The following CYP2C19 variants were observed in gnomAD, a reference collection of about 807,000 sequenced individuals.
CYP2C19 encodes the protein cytochrome P450 2C19.
In CYP2C19, 59 loss-of-function variants were observed where a neutral mutation model predicts 40.9. The observed-to-expected ratio is 1.44, with a 90% confidence interval of 1.17 to 1.79. The LOEUF is 1.79. Among genes scored for constraint, CYP2C19 ranks in the 40% most tolerant of loss-of-function variants. The probability of loss-of-function intolerance (pLI) is 0.00; values close to 1 mark genes in which losing one functional copy is unlikely to be tolerated. For synonymous variants in CYP2C19, 253 were observed against 208.7 expected (o/e 1.21, Z -1.83); for missense variants, 754 against 596.9 (o/e 1.26, Z -2.74).
At chr10:94,840,435 T>C (rs576001011) in intron 6 of CYP2C19, among the ~76,000 whole-genome samples, 4 of 152,048 alleles carry the variant, frequency 2.6e-5, no homozygotes, top group Admixed American at 6.6e-5. Flanking sequence ...CCCTGGGTTA[T>C]AGCCTAGGTG....
At chr10:94,826,388 G>A (rs1215729909) in intron 6 of CYP2C19, among the ~76,000 whole-genome samples, 3 of 152,076 alleles carry the variant, frequency 2.0e-5, no homozygotes, top group Admixed American at 2.0e-4. Flanking sequence ...CTTGTAAGTT[G>A]GATTCCTAGG....
intron 6 of CYP2C19, among the ~76,000 whole-genome samples, chr10:94,834,151 A>G (rs1654324680): frequency 6.6e-6 from 1 of 152,102 alleles, no homozygotes; most frequent in Non-Finnish European, 1.5e-5. Flanking sequence ...TTATTGGGAT[A>G]ATTTTTATTA....
Position 94,820,272 on chromosome 10 carries a change from A to T in CYP2C19, c.820-224A>T, listed in dbSNP as rs191193930. On this transcript the variant is annotated intron_variant, in intron 5 of 8. Transcript: ENST00000371321. ...AATAAGAGCTATCTATGACAAACCC[A>T]CAGCCAATATCATACTGAATGGGCA... is the stretch of plus-strand genomic sequence containing the variant. 9.0e-3 allele frequency among the ~76,000 whole-genome samples: 1,363 copies of T among 152,120 alleles called. 23 individuals are homozygous for T. The highest frequency in any genetic ancestry group is 0.03 in the African/African-American group (1,236 of 41,500).
rs1361739989 is a variant in CYP2C19 at position 94,783,854 on chromosome 10, G to T, written c.819+1857G>T. On this transcript the variant is annotated intron_variant, in intron 5 of 8. Coordinates refer to ENST00000371321, the MANE Select transcript of CYP2C19 (RefSeq NM_000769.4). ...CTTCAAAGGAGCCAATGGGAATTTTGACAGGATTGCATTAAATCTGTAGAA... is the reference window on the plus strand; with the variant it reads ...CTTCAAAGGAGCCAATGGGAATTTTTACAGGATTGCATTAAATCTGTAGAA... Among the ~76,000 whole-genome samples, 3 of 152,102 alleles carry T rather than the reference G, an allele frequency of 2.0e-5. No homozygotes were observed. In the East Asian group the frequency reaches 5.8e-4, roughly 29 times the overall value.
chr10:94,836,736 G>T (rs1445023693), intron 6 of CYP2C19, among the ~76,000 whole-genome samples: 4 of 152,208 alleles, frequency 2.6e-5, no homozygotes, highest in Non-Finnish European at 5.9e-5. Flanking sequence ...CATTTAACCT[G>T]CTGTGAGCAG....
At position 94,807,300 on chromosome 10, in the gene CYP2C19, G is replaced by A. The variant is rs139533333; in HGVS notation, c.820-13196G>A. On this transcript the variant is annotated intron_variant, in intron 5 of 8. Coordinates refer to ENST00000371321, the MANE Select transcript of CYP2C19 (RefSeq NM_000769.4). ...TTCTTTACCCATTCATTTGTTGATG[G>A]ACACTTAGGTTGATTCCATATCTTG... Among the ~76,000 whole-genome samples, 518 of 152,124 alleles carry A rather than the reference G, an allele frequency of 3.4e-3. 2 individuals carry two copies. Among genetic ancestry groups the A allele is most frequent in the African/African-American group, 0.012 (502 of 41,530 alleles).
At chr10:94,786,279 C>A (rs563540927) in intron 5 of CYP2C19, among the ~76,000 whole-genome samples, 53 of 152,096 alleles carry the variant, frequency 3.5e-4, no homozygotes, top group Non-Finnish European at 6.2e-4. Context: ...AAAAAGGTCA[C>A]GGGTATTTTG....
Position 94,815,415 on chromosome 10 carries a change from G to A in CYP2C19, c.820-5081G>A, listed in dbSNP as rs186381031. Among the ~76,000 whole-genome samples, 234 of 152,298 alleles carry A rather than the reference G, an allele frequency of 1.5e-3. 1 individual carries two copies. Among genetic ancestry groups the A allele is most frequent in the Non-Finnish European group, 2.8e-3 (190 of 68,014 alleles). On this transcript the variant is annotated intron_variant, in intron 5 of 8. Transcript: ENST00000371321. ...AAGTAATATGTTTTTGTATATTGAT[G>A]ATCTCTTGTACTCAGTATTCAAAAC...
intron 6 of CYP2C19, among the ~76,000 whole-genome samples, chr10:94,829,570 A>G (rs1193078162): frequency 6.6e-6 from 1 of 152,034 alleles, no homozygotes; most frequent in African/African-American, 2.4e-5. Context: ...ATTTTTTTCA[A>G]AGTTTTCAAC....
intron 1 of CYP2C19, among the ~76,000 whole-genome samples, chr10:94,764,688 G>T (rs533597089): frequency 6.6e-6 from 1 of 152,254 alleles, no homozygotes; most frequent in South Asian, 2.1e-4. Flanking sequence ...CAGTCCAGGT[G>T]TCCTTGGAAG....
chr10:94,797,310 G>A (rs1483393820), intron 5 of CYP2C19, among the ~76,000 whole-genome samples: 2 of 152,194 alleles, frequency 1.3e-5, no homozygotes, highest in African/African-American at 4.8e-5. Context: ...ATTTGCATAT[G>A]TTGAACCAGC....
At chr10:94,784,669 G>T (rs1298490552) in intron 5 of CYP2C19, among the ~76,000 whole-genome samples, 1 of 151,966 alleles carries the variant, frequency 6.6e-6, no homozygotes. Flanking sequence ...AGGCTCGAGT[G>T]CAGTAGCATG....
intron 7 of CYP2C19, 139 bp from the exon 8 acceptor site, chr10:94,849,778 G>C: frequency 9.4e-7 from 1 of 1,066,708 alleles, no homozygotes; most frequent in Non-Finnish European, 1.4e-6. Flanking sequence ...TCGTCTATCT[G>C]TCTGGAAATG....
intron 5 of CYP2C19, among the ~76,000 whole-genome samples, chr10:94,785,376 G>T (rs1185247947): frequency 1.3e-5 from 2 of 151,978 alleles, no homozygotes; most frequent in East Asian, 3.9e-4. Flanking sequence ...ACATTCTTTT[G>T]TATTTTGTCA....
In CYP2C19 at chr10:94,833,392, G is replaced by T. The variant is rs182731794; in HGVS notation, c.962-9445G>T. Reference sequence around the variant, plus strand: ...CCACTCAGTATGGTACTAGTAGTAGGTCTGTCATATAGCTTTTTTTATGTT... The same window carrying T: ...CCACTCAGTATGGTACTAGTAGTAGTTCTGTCATATAGCTTTTTTTATGTT... On this transcript the variant is annotated intron_variant, in intron 6 of 8. Transcript: ENST00000371321. Among the ~76,000 whole-genome samples the T allele has an allele frequency of 7.2e-5, 11 of 151,956 alleles. No individual in the cohort carries two copies. The East Asian group carries it at 1.9e-3, about 27-fold the overall frequency.
Position 94,795,453 on chromosome 10 carries a change from G to A in CYP2C19, c.819+13456G>A, listed in dbSNP as rs138446442. On this transcript the variant is annotated intron_variant, in intron 5 of 8. Coordinates refer to ENST00000371321, the MANE Select transcript of CYP2C19 (RefSeq NM_000769.4). ...AGTCTTTGCTATTGTGAATAGTGCC[G>A]CAATAAATGTACATGTGCATGTGTC... Among the ~76,000 whole-genome samples, 1,376 of 151,998 alleles carry A rather than the reference G, an allele frequency of 9.1e-3. 23 individuals are homozygous for A. The highest frequency in any genetic ancestry group is 0.03 in the African/African-American group (1,237 of 41,490).
chr10:94,834,445 T>A (rs1003616186), intron 6 of CYP2C19, among the ~76,000 whole-genome samples: 5 of 152,140 alleles, frequency 3.3e-5, no homozygotes, highest in Admixed American at 2.6e-4. Flanking sequence ...AAGAAACAAC[T>A]TTTTGTTGCA....
intron 5 of CYP2C19, among the ~76,000 whole-genome samples, chr10:94,791,094 G>A (rs188630035): frequency 1.5e-3 from 230 of 152,136 alleles, no homozygotes; most frequent in Middle Eastern, 0.01. Flanking sequence ...GTTTAGTCTT[G>A]GGAGGGTGTA....
At position 94,851,795 on chromosome 10, in the gene CYP2C19, A is replaced by G. The variant is rs552603016; in HGVS notation, c.1292-938A>G. On this transcript the variant is annotated intron_variant, in intron 8 of 8. Coordinates refer to ENST00000371321, the MANE Select transcript of CYP2C19 (RefSeq NM_000769.4). ...AGGACAGAGCCCTCCTGACTTATTC[A>G]CTGCCTACAAGGCCTCATCACTTTA... 3.4e-4 allele frequency among the ~76,000 whole-genome samples: 51 copies of G among 152,238 alleles called. 1 individual carries two copies. Among genetic ancestry groups the G allele is most frequent in the African/African-American group, 1.2e-3 (48 of 41,546 alleles).
Sources: gnomAD v4.1 joint callset for allele counts (sites outside exome capture counted in the v4.1 genomes callset) on GRCh38, gnomAD v4.1.1 for gene constraint, MANE v1.5 for transcripts, NCBI Gene and HGNC (gene_info 2026-07-23, HGNC 2026-07-21) for gene names.